The following BMPR2 variants were observed in gnomAD, a reference collection of about 807,000 sequenced individuals.
BMPR2 encodes the protein bone morphogenetic protein receptor type-2.
BMPR2 carries 29 observed loss-of-function variants against 100.8 expected under a neutral mutation model. The observed-to-expected ratio is 0.29, with a 90% CI of 0.21 to 0.39. The LOEUF is 0.39. BMPR2 is among the 10% of genes least tolerant of loss of function. The pLI is 1.00. For synonymous variants in BMPR2, 382 were observed against 442.3 expected (o/e 0.86, Z 1.71); for missense variants, 1,011 against 1,274.5 (o/e 0.79, Z 3.15).
chr2:202,534,910 C>CCG (rs1688104592), intron 9 of BMPR2, among the ~76,000 whole-genome samples: 8 of 147,116 alleles, frequency 5.4e-5, no homozygotes, highest in Admixed American at 2.0e-4. Flanking sequence ...GGCTGACCCC[C>CCG]CCACCTCCCT....
At chr2:202,443,641 A>G (rs190704543) in intron 1 of BMPR2, among the ~76,000 whole-genome samples, 13 of 149,348 alleles carry the variant, frequency 8.7e-5, no homozygotes, top group Admixed American at 6.0e-4. Context: ...TCGGCTGACT[A>G]CAACCTCCAC....
In BMPR2 at chr2:202,489,294, C is replaced by T. The variant is rs140360663; in HGVS notation, c.418+21605C>T. 2.3e-3 allele frequency among the ~76,000 whole-genome samples: 352 copies of T among 152,286 alleles called. 5 individuals carry two copies. Among genetic ancestry groups the T allele is most frequent in the African/African-American group, 7.0e-3 (290 of 41,556 alleles). ...CTGGGATTACAGGCGTGAGCCACCACGCCCGGCCTTTGTTGTTCTTTTGTA... is the reference window on the plus strand; with the variant it reads ...CTGGGATTACAGGCGTGAGCCACCATGCCCGGCCTTTGTTGTTCTTTTGTA... On this transcript the variant is annotated intron_variant, in intron 3 of 12. Coordinates refer to ENST00000374580, the MANE Select transcript of BMPR2 (RefSeq NM_001204.7).
chr2:202,525,887 C>T (rs1316275968), intron 7 of BMPR2, among the ~76,000 whole-genome samples: 7 of 81,622 alleles, frequency 8.6e-5, no homozygotes, highest in Admixed American at 7.4e-4. Flanking sequence ...TTTTTTGAGA[C>T]GGAGTTTAGC....
intron 3 of BMPR2, among the ~76,000 whole-genome samples, chr2:202,475,987 T>C (rs1432366332): frequency 6.7e-6 from 1 of 148,744 alleles, no homozygotes; most frequent in Middle Eastern, 3.4e-3. Context: ...GGCAGGAGAA[T>C]CGCTTGAACC....
intron 3 of BMPR2, among the ~76,000 whole-genome samples, chr2:202,497,497 G>A (rs1193348367): frequency 2.6e-5 from 4 of 152,226 alleles, no homozygotes; most frequent in South Asian, 2.1e-4. Flanking sequence ...CCGACTCTTC[G>A]GAGTTGGGAC....
chr2:202,465,140 C>G lies in BMPR2; in HGVS notation c.247+161C>G, dbSNP rs151176298. Among the ~76,000 whole-genome samples the G allele has an allele frequency of 6.6e-4, 100 of 152,238 alleles. 1 individual carries two copies. The East Asian group carries it at 0.013, about 19-fold the overall frequency. ...GTGGCTCATGCCTGTAATTCCAGCA[C>G]TTTTCGAGGCTGAGGTGGGCGGATC... On this transcript the variant is annotated intron_variant, in intron 2 of 12. Transcript: ENST00000374580.
In BMPR2 at chr2:202,384,592, C is replaced by CTTTCT. The variant is rs1553493265; in HGVS notation, c.76+7045_76+7049dup. Among the ~76,000 whole-genome samples the CTTTCT allele has an allele frequency of 9.8e-4, 118 of 120,200 alleles. 2 individuals carry two copies. Among genetic ancestry groups the CTTTCT allele is most frequent in the East Asian group, 1.6e-3 (7 of 4,448 alleles). 78.9% of individuals were successfully genotyped at this position (120,200 alleles called of 152,430 possible). On this transcript the variant is annotated intron_variant, in intron 1 of 12. Transcript: ENST00000374580. ...TCTTTTTCTTTCTTTTCTTTCTTTT[C>CTTTCT]TTTCTTTCTTTCTTTCTTTCGACGG...
chr2:202,400,665 A>G (rs1690753963), intron 1 of BMPR2, among the ~76,000 whole-genome samples: 1 of 152,106 alleles, frequency 6.6e-6, no homozygotes, highest in Non-Finnish European at 1.5e-5. Flanking sequence ...TTTAAAATTT[A>G]TGTTTTTATT....
intron 1 of BMPR2, among the ~76,000 whole-genome samples, chr2:202,440,967 A>T (rs992254141): frequency 2.0e-5 from 3 of 150,334 alleles, no homozygotes; most frequent in African/African-American, 7.6e-5. Flanking sequence ...CCACATAGAA[A>T]ATATTATTAT....
chr2:202,391,246 G>A lies in BMPR2; in HGVS notation c.76+13696G>A, dbSNP rs12616886. Among the ~76,000 whole-genome samples the A allele has an allele frequency of 7.0e-4, 106 of 152,158 alleles. No homozygotes were observed. In the East Asian group the frequency reaches 0.016, roughly 24 times the overall value. ...CCGCCTCAGCCTCCCAAAGTGCTGA[G>A]ATTACAGGTGTGAGCCACTGCGCCT... On this transcript the variant is annotated intron_variant, in intron 1 of 12. Transcript: ENST00000374580.
intron 7 of BMPR2, 81 bp from the exon 8 acceptor site, chr2:202,530,713 T>A (rs1477554369): frequency 7.9e-7 from 1 of 1,264,032 alleles, no homozygotes; most frequent in East Asian, 2.6e-5. Context: ...AAAATAATAC[T>A]ACTTCTATAT....
chr2:202,512,008 AAG>A (rs1687634501), intron 3 of BMPR2, among the ~76,000 whole-genome samples: 1 of 151,750 alleles, frequency 6.6e-6, no homozygotes, highest in African/African-American at 2.4e-5. Flanking sequence ...GCGACAGAGC[AAG>A]ACTCTCTTAA....
chr2:202,422,705 C>G (rs1691293191), intron 1 of BMPR2, among the ~76,000 whole-genome samples: 1 of 152,092 alleles, frequency 6.6e-6, no homozygotes, highest in South Asian at 2.1e-4. Context: ...GAGATAGAGT[C>G]TCCCTCTGTC....
At chr2:202,400,473 G>A (rs1690749719) in intron 1 of BMPR2, among the ~76,000 whole-genome samples, 1 of 152,016 alleles carries the variant, frequency 6.6e-6, no homozygotes, top group African/African-American at 2.4e-5. Context: ...TTTGACTGCA[G>A]AATTAGATTT....
chr2:202,540,555 A>G (rs1688251515), intron 9 of BMPR2, among the ~76,000 whole-genome samples: 1 of 152,242 alleles, frequency 6.6e-6, no homozygotes, highest in Non-Finnish European at 1.5e-5. Flanking sequence ...CACAGATAAT[A>G]GAATTAATCT....
chr2:202,519,903 C>T (rs370214525), intron 6 of BMPR2, among the ~76,000 whole-genome samples, 184 bp from the exon 7 acceptor site: 30 of 152,034 alleles, frequency 2.0e-4, no homozygotes, highest in Non-Finnish European at 2.4e-4. Flanking sequence ...CCATCCCTTC[C>T]TCTCCTCTCT....
intron 9 of BMPR2, among the ~76,000 whole-genome samples, chr2:202,534,993 T>C (rs80346242): frequency 0.75 from 28,310 of 37,608 alleles, 9,785 homozygotes; most frequent in African/African-American, 0.77. Flanking sequence ...GCTGACCCCC[T>C]GCCACCTCCC....
At chr2:202,383,255 AC>A (rs1336036386) in intron 1 of BMPR2, among the ~76,000 whole-genome samples, 3 of 152,204 alleles carry the variant, frequency 2.0e-5, no homozygotes, top group Non-Finnish European at 4.4e-5. Context: ...TACAAAAAAT[AC>A]AAAAATTTGG....
At chr2:202,424,370 T>C (rs1247929127) in intron 1 of BMPR2, among the ~76,000 whole-genome samples, 1 of 127,750 alleles carries the variant, frequency 7.8e-6, no homozygotes, top group Non-Finnish European at 1.7e-5. Context: ...CAGGACTTCG[T>C]CTGAAGAAAA....
Sources: gnomAD v4.1 joint callset for allele counts (sites outside exome capture counted in the v4.1 genomes callset) on GRCh38, gnomAD v4.1.1 for gene constraint, MANE v1.5 for transcripts, NCBI Gene and HGNC (gene_info 2026-07-23, HGNC 2026-07-21) for gene names.